The following CENPF variants were observed in gnomAD, a reference collection of about 807,000 sequenced individuals.
CENPF encodes AH antigen.
Under a neutral mutation model 307.3 loss-of-function variants are expected in CENPF, and 214 were observed. The ratio of observed to expected loss-of-function variants is 0.70; its 90% CI spans 0.62 to 0.78. The LOEUF (loss-of-function observed/expected upper bound fraction) is 0.78. Among genes scored for constraint, CENPF ranks in the 30% least tolerant of loss-of-function variants. The pLI is 0.00. For missense variants in CENPF, 3,401 were observed against 3,483.9 expected (o/e 0.98, Z 0.60); for synonymous variants, 1,259 against 1,270.6 (o/e 0.99, Z 0.19).
In CENPF at chr1:214,640,960, T is replaced by C. The variant is rs1161882536; in HGVS notation, c.2622T>C (p.His874=). Residue 874 remains histidine, a synonymous_variant, in exon 12 of 20, where the codon CAT becomes CAC. Transcript: ENST00000366955. ...ATCTCATGAAAGCAGAACAGATGCA[T>C]CAAAGTTTTGTGGCTGAAACAAGTC... is the stretch of plus-strand genomic sequence containing the variant. ...EENLMKAEQM[H]QSFVAETSQR... 6 of 1,603,620 alleles carry C rather than the reference T, an allele frequency of 3.7e-6. No homozygotes were observed. Among genetic ancestry groups the C allele is most frequent in the Non-Finnish European group, 5.1e-6 (6 of 1,177,556 alleles).
At chr1:214,648,958 T>C in intron 14 of CENPF, 131 bp downstream of exon 14, 1 of 881,390 alleles carries the variant, frequency 1.1e-6, no homozygotes, top group Non-Finnish European at 1.7e-6. Context: ...AACCCTGTGC[T>C]TATGTCATAA....
chr1:214,640,209 G>C lies in CENPF; in HGVS notation c.1871G>C (p.Ser624Thr). 6.2e-7 allele frequency: 1 copy of C among 1,600,414 alleles called. No individual in the cohort carries two copies. Among genetic ancestry groups the C allele is most frequent in the Non-Finnish European group, 8.5e-7 (1 of 1,176,844 alleles). Residue 624 changes from serine (S) to threonine (T), a missense_variant, in exon 12 of 20, where the codon AGT (serine) becomes ACT (threonine). Ser to Thr is a moderately conservative substitution (Grantham distance 58). Coordinates refer to ENST00000366955, the MANE Select transcript of CENPF (RefSeq NM_016343.4). ...AAAACTCTGTTTTCTTGTTGGAAAA[G>C]TGAAAACGAAAAACTTTTAACTCAG... ...EEKTLFSCWK[S>T]ENEKLLTQME... is the part of the protein sequence containing the mutation.
chr1:214,604,920 C>CT (rs1381879960), intron 1 of CENPF, among the ~76,000 whole-genome samples: 1 of 152,040 alleles, frequency 6.6e-6, no homozygotes, highest in East Asian at 1.9e-4. Context: ...TGTCTAAGAC[C>CT]TTTGCTTCTC....
chr1:214,644,746 T>A lies in CENPF; in HGVS notation c.5176T>A (p.Ser1726Thr). The A allele has an allele frequency of 6.2e-7, 1 of 1,613,752 alleles. No individual in the cohort carries two copies. Among genetic ancestry groups the A allele is most frequent in the Non-Finnish European group, 8.5e-7 (1 of 1,179,896 alleles). Residue 1726 changes from serine (S) to threonine (T), a missense_variant, in exon 13 of 20, where the codon TCC (serine) becomes ACC (threonine). Physicochemically the swap from Ser to Thr is moderately conservative, Grantham distance 58. Coordinates refer to ENST00000366955, the MANE Select transcript of CENPF (RefSeq NM_016343.4). The part of the protein sequence containing the change: ...KPTGECSGEQ[S>T]PDTNYEPPGE... Reference sequence around the variant, plus strand: ...CACAGGAGAGTGCTCTGGGGAACAGTCCCCAGATACCAATTATGAGCCTCC... The same window carrying A: ...CACAGGAGAGTGCTCTGGGGAACAGACCCCAGATACCAATTATGAGCCTCC...
At chr1:214,651,556 A>G (rs572313591) in intron 14 of CENPF, among the ~76,000 whole-genome samples, 154 bp from the exon 15 acceptor site, 1 of 152,350 alleles carries the variant, frequency 6.6e-6, no homozygotes, top group South Asian at 2.1e-4. Context: ...ATTAAAAGTG[A>G]ATACATTGCT....
intron 1 of CENPF, chr1:214,608,752 G>T: frequency 6.3e-7 from 1 of 1,599,392 alleles, no homozygotes; most frequent in Non-Finnish European, 8.5e-7. Context: ...GGCCTCCGGC[G>T]GCAGGAAGGC....
At chr1:214,656,859 ATCT>A (rs1658646052) in intron 17 of CENPF, 71 bp from the exon 18 acceptor site, 1 of 976,208 alleles carries the variant, frequency 1.0e-6, no homozygotes, top group African/African-American at 1.6e-5. Context: ...GTCTAAGATT[ATCT>A]GCTTCACGAT....
At chr1:214,662,135 TTC>T (rs1658802238) in intron 19 of CENPF, among the ~76,000 whole-genome samples, 3 of 152,160 alleles carry the variant, frequency 2.0e-5, no homozygotes, top group Admixed American at 2.0e-4. Context: ...GGCTCAAACT[TTC>T]TGTTTCCTAT....
chr1:214,630,726 C>G, intron 9 of CENPF, 64 bp downstream of exon 9: 2 of 1,565,900 alleles, frequency 1.3e-6, no homozygotes, highest in Non-Finnish European at 1.7e-6. Flanking sequence ...CTTGTTACTT[C>G]TCTACCATAA....
chr1:214,606,157 A>G, intron 1 of CENPF: 2 of 1,392,312 alleles, frequency 1.4e-6, no homozygotes, highest in Non-Finnish European at 1.9e-6. Context: ...CCCCGGGCCC[A>G]GCTCCGGATG....
In CENPF at chr1:214,622,071, G is replaced by T. The variant is rs1191547364; in HGVS notation, c.866-8G>T. On this transcript the variant is annotated splice_polypyrimidine_tract_variant and splice_region_variant and intron_variant, in intron 6 of 19. Transcript: ENST00000366955. ...GAATTGGAGTGTGATTTTTGTTTGT[G>T]GTTCAAGAGCTAAGAAACAAGATTA... 6.2e-7 allele frequency: 1 copy of T among 1,605,610 alleles called. No individual in the cohort carries two copies. Among genetic ancestry groups the T allele is most frequent in the Non-Finnish European group, 8.5e-7 (1 of 1,176,516 alleles).
At position 214,644,678 on chromosome 1, in the gene CENPF, A is replaced by G. The variant is rs11811736; in HGVS notation, c.5108A>G (p.Asn1703Ser). Residue 1703 changes from asparagine to serine, a missense_variant, in exon 13 of 20, where the codon AAT (asparagine) becomes AGT (serine). Transcript: ENST00000366955. ...ICDKDAQQDL[N>S]LDIEKITETG... ...GATAAAGATGCTCAGCAGGACCTCA[A>G]TCTAGACATTGAGAAAATAACTGAG... 7.5e-3 allele frequency: 12,076 copies of G among 1,614,062 alleles called. 707 individuals are homozygous for G. In the African/African-American group the frequency reaches 0.13, roughly 18 times the overall value.
chr1:214,659,029 G>A lies in CENPF; in HGVS notation c.9141+1G>A, dbSNP rs1242708941. On this transcript the variant is annotated splice_donor_variant, in intron 19 of 19. Coordinates refer to ENST00000366955, the MANE Select transcript of CENPF (RefSeq NM_016343.4). LOFTEE classifies it high-confidence loss of function. This position sits in a 1 kb window ranked among gnomAD's most constrained non-coding sequence, Gnocchi z 4.4. ...AGCTGGTGGCAGCAGATCACAAAAG[G>A]TAAACTACTGTCAACATCCGTCTAC... The A allele has an allele frequency of 6.2e-7, 1 of 1,613,916 alleles. No homozygotes were observed. Among genetic ancestry groups the A allele is most frequent in the Non-Finnish European group, 8.5e-7 (1 of 1,179,926 alleles).
intron 1 of CENPF, among the ~76,000 whole-genome samples, chr1:214,606,354 TGGCCCTGGGGCGGAGGTAGGGGA>T (rs1380931745): frequency 1.3e-5 from 2 of 152,034 alleles, no homozygotes; most frequent in African/African-American, 2.4e-5. Flanking sequence ...GCCTACGGAG[TGGCCCTGGGGCGGAGGTAGGGGA>T]GGCCCTGGCG....
Position 214,616,873 on chromosome 1 carries a change from C to A in CENPF, c.360-1700C>A, listed in dbSNP as rs2807664. Among the ~76,000 whole-genome samples, 289 of 94,338 alleles carry A rather than the reference C, an allele frequency of 3.1e-3. 9 individuals are homozygous for A. The highest frequency in any genetic ancestry group is 0.012 in the African/African-American group (278 of 23,300). 61.9% of individuals were successfully genotyped at this position (94,338 alleles called of 152,430 possible). On this transcript the variant is annotated intron_variant, in intron 3 of 19. Coordinates refer to ENST00000366955, the MANE Select transcript of CENPF (RefSeq NM_016343.4). ...TCTTTCTTTCTTTCTTTCTTTCTTT[C>A]TTTCTTTCTTTCTTTCTTTCTTTCT...
Position 214,613,853 on chromosome 1 carries a change from A to G in CENPF, c.99A>G (p.Glu33=), listed in dbSNP as rs533018545. The change falls in exon 2 of 20, where the codon GAA becomes GAG. Residue 33 remains glutamate, a synonymous_variant. Transcript: ENST00000366955. ...LEGQLDKLKK[E]KQQRQFQLDS... is the part of the protein sequence containing the mutation. ...GACAGCTTGACAAACTGAAGAAGGA[A>G]AAGCAGCAAAGGCAGTTTCAGCTTG... The G allele has an allele frequency of 3.7e-6, 6 of 1,613,978 alleles. No individual in the cohort carries two copies. The South Asian group carries it at 6.6e-5, about 18-fold the overall frequency.
chr1:214,629,697 A>C (rs757278268), intron 8 of CENPF, among the ~76,000 whole-genome samples: 1 of 152,050 alleles, frequency 6.6e-6, no homozygotes, highest in African/African-American at 2.4e-5. Context: ...GATTACAGGC[A>C]TGCACCACCA....
intron 14 of CENPF, among the ~76,000 whole-genome samples, chr1:214,649,300 C>T (rs1434173515): frequency 1.3e-5 from 2 of 152,198 alleles, no homozygotes; most frequent in African/African-American, 4.8e-5. Flanking sequence ...TGCCACTGCC[C>T]ACTGCCATTT....
At chr1:214,628,643 C>T (rs1657721671) in intron 7 of CENPF, among the ~76,000 whole-genome samples, 1 of 152,200 alleles carries the variant, frequency 6.6e-6, no homozygotes, top group Admixed American at 6.5e-5. Flanking sequence ...GGCGTTTCAC[C>T]ATGTTGCCTC....
Sources: gnomAD v4.1 joint callset for allele counts (sites outside exome capture counted in the v4.1 genomes callset) on GRCh38, gnomAD v4.1.1 for gene constraint, Gnocchi (gnomAD v3.1) non-coding constraint, MANE v1.5 for transcripts, NCBI Gene and HGNC (gene_info 2026-07-23, HGNC 2026-07-21) for gene names.